The following AACS variants were observed in gnomAD, a reference collection of about 807,000 sequenced individuals.
The protein encoded by AACS is acetoacetyl-CoA synthetase, also known as acetoacetate-CoA ligase.
AACS carries 69 observed loss-of-function variants against 83.1 expected under a neutral mutation model. That is an observed-to-expected ratio of 0.83 (90% CI 0.68 to 1.01). The LOEUF (loss-of-function observed/expected upper bound fraction) is 1.01. Among genes scored for constraint, AACS ranks in the 50% least tolerant of loss-of-function variants. The pLI, the probability that AACS is intolerant of heterozygous loss-of-function variation, is 0.00. For missense variants in AACS, 866 were observed against 882.2 expected, an observed-to-expected ratio of 0.98 and a Z score of 0.23; for synonymous variants, 333 against 343.4, an observed-to-expected ratio of 0.97 and a Z score of 0.33.
chr12:125,142,082 TC>T lies in AACS; in HGVS notation c.1882-7del. The T allele has an allele frequency of 6.2e-7, 1 of 1,613,866 alleles. No individual in the cohort carries two copies. The highest frequency in any genetic ancestry group is 8.5e-7 in the Non-Finnish European group (1 of 1,179,960). On this transcript the variant is annotated splice_polypyrimidine_tract_variant and intron_variant, in intron 17 of 17. Transcript: ENST00000316519. ...TTAAATGTTCCTGTTTTTCTACCTT[TC>T]CCTCGCAGTATACGCTCAACGGCAA...
chr12:125,137,280 TCTC>T (rs955049219), intron 17 of AACS, among the ~76,000 whole-genome samples: 1 of 152,220 alleles, frequency 6.6e-6, no homozygotes, highest in African/African-American at 2.4e-5. Flanking sequence ...TTCAAGCAGT[TCTC>T]CTGCCTCAGC....
intron 5 of AACS, 119 bp downstream of exon 5, chr12:125,091,642 T>TGGC (rs1956489130): frequency 9.8e-7 from 1 of 1,016,514 alleles, no homozygotes; most frequent in Admixed American, 2.0e-5. Flanking sequence ...CGGGAGGAGG[T>TGGC]GGCGTTGCAG....
Position 125,120,142 on chromosome 12 carries a change from TC to T in AACS, c.1121+1384del, listed in dbSNP as rs150658867. 1,195 of 151,838 alleles carry T rather than the reference TC, an allele frequency of 7.9e-3. 8 individuals carry two copies. Among genetic ancestry groups the T allele is most frequent in the South Asian group, 0.024 (117 of 4,790 alleles). 9.4% of individuals were successfully genotyped at this position (151,838 alleles called of 1,614,324 possible). On this transcript the variant is annotated intron_variant, in intron 10 of 17. Transcript: ENST00000316519. Reference sequence around the variant, plus strand: ...TGGGGATAGGTGTAGTGGTCCCTGCTCCCCCCCGACCCCAACTCCTTCTCAT... The same window carrying T: ...TGGGGATAGGTGTAGTGGTCCCTGCTCCCCCCGACCCCAACTCCTTCTCAT...
chr12:125,119,017 C>T (rs776313681), intron 10 of AACS, among the ~76,000 whole-genome samples: 2 of 152,216 alleles, frequency 1.3e-5, no homozygotes, highest in South Asian at 2.1e-4. Context: ...AAAAATCCTA[C>T]GGGCAGTGTG....
In AACS at chr12:125,079,999, C is replaced by G. The variant is rs117572889; in HGVS notation, c.358+3388C>G. Among the ~76,000 whole-genome samples, 19 of 152,260 alleles carry G rather than the reference C, an allele frequency of 1.2e-4. No homozygotes were observed. In the East Asian group the frequency reaches 3.5e-3, roughly 28 times the overall value. On this transcript the variant is annotated intron_variant, in intron 3 of 17. Coordinates refer to ENST00000316519, the MANE Select transcript of AACS (RefSeq NM_023928.5). Reference sequence around the variant, plus strand: ...CTGCTTTCGCTCAGCACAGTGTTACCAAGGTTCATCCACATTGTAGCATGG... The same window carrying G: ...CTGCTTTCGCTCAGCACAGTGTTACGAAGGTTCATCCACATTGTAGCATGG...
In AACS at chr12:125,127,916, C is replaced by G. The variant is rs556841513; in HGVS notation, c.1310-245C>G. ...TGACCACAGGAGGTCATTTACTTAG[C>G]GGATCCTCTGGCAGGAAGGCTCGGC... On this transcript the variant is annotated intron_variant, in intron 12 of 17. Coordinates refer to ENST00000316519, the MANE Select transcript of AACS (RefSeq NM_023928.5). 3 of 349,180 alleles carry G rather than the reference C, an allele frequency of 8.6e-6. No homozygotes were observed. The South Asian group carries it at 2.1e-4, about 24-fold the overall frequency. 21.6% of individuals were successfully genotyped at this position (349,180 alleles called of 1,614,324 possible).
intron 9 of AACS, among the ~76,000 whole-genome samples, chr12:125,116,837 C>G (rs1352539922): frequency 6.6e-6 from 1 of 151,784 alleles, no homozygotes; most frequent in Non-Finnish European, 1.5e-5. Context: ...CCAGGCTATA[C>G]TGTGACCCAC....
chr12:125,082,018 G>T (rs1956200729), intron 3 of AACS, among the ~76,000 whole-genome samples: 1 of 151,906 alleles, frequency 6.6e-6, no homozygotes, highest in Non-Finnish European at 1.5e-5. Flanking sequence ...TGGGATTACA[G>T]GCACGTGCCA....
chr12:125,077,825 C>T (rs1956065643), intron 3 of AACS, among the ~76,000 whole-genome samples: 2 of 152,022 alleles, frequency 1.3e-5, no homozygotes, highest in African/African-American at 2.4e-5. Flanking sequence ...TCTCCTGCCT[C>T]AGCCTCCCAA....
chr12:125,098,168 A>C (rs1348637532), intron 5 of AACS, among the ~76,000 whole-genome samples: 2 of 151,878 alleles, frequency 1.3e-5, no homozygotes, highest in Non-Finnish European at 2.9e-5. Flanking sequence ...GGTAGCTTAC[A>C]CCTGTAATCC....
chr12:125,097,380 G>C lies in AACS; in HGVS notation c.571-5299G>C, dbSNP rs1436008418. On this transcript the variant is annotated intron_variant, in intron 5 of 17. Coordinates refer to ENST00000316519, the MANE Select transcript of AACS (RefSeq NM_023928.5). This position sits in a 1 kb window ranked among gnomAD's most constrained non-coding sequence, Gnocchi z 4.3. ...GCCAGGGGCCAAGTCCCTGTTACCT[G>C]TATGTCCCATGCACTTTTTTAAACT... is the stretch of plus-strand genomic sequence containing the variant. Among the ~76,000 whole-genome samples, 1 of 150,850 alleles carries C rather than the reference G, an allele frequency of 6.6e-6. No homozygotes were observed. The highest frequency in any genetic ancestry group is 1.5e-5 in the Non-Finnish European group (1 of 67,876).
chr12:125,077,074 A>ATTT (rs36067220), intron 3 of AACS, among the ~76,000 whole-genome samples: 3 of 121,262 alleles, frequency 2.5e-5, no homozygotes, highest in Non-Finnish European at 3.4e-5. Flanking sequence ...TGCATGGCTG[A>ATTT]TTTTTTTTTT....
At chr12:125,101,915 T>C in intron 5 of AACS, 1 of 151,544 alleles carries the variant, frequency 6.6e-6, no homozygotes, top group Non-Finnish European at 1.5e-5. Context: ...TACAGGCACG[T>C]GCCACCATGC....
intron 8 of AACS, among the ~76,000 whole-genome samples, chr12:125,108,789 T>C (rs1360355542): frequency 6.6e-6 from 1 of 151,792 alleles, no homozygotes; most frequent in Non-Finnish European, 1.5e-5. Context: ...CCTCTCAGTC[T>C]CCCATGTAGC....
chr12:125,132,560 T>C (rs1464163591), intron 14 of AACS, among the ~76,000 whole-genome samples: 2 of 152,070 alleles, frequency 1.3e-5, no homozygotes, highest in Non-Finnish European at 2.9e-5. Flanking sequence ...GGCACATCCA[T>C]TGCAAGCCTA....
At chr12:125,123,993 T>A (rs1957200737) in intron 10 of AACS, 1 of 152,212 alleles carries the variant, frequency 6.6e-6, no homozygotes, top group African/African-American at 2.4e-5. Context: ...AATGTGATCT[T>A]GTTTAAGAAA....
chr12:125,119,645 G>A (rs993008765), intron 10 of AACS, among the ~76,000 whole-genome samples: 21 of 152,146 alleles, frequency 1.4e-4, no homozygotes, highest in African/African-American at 4.3e-4. Flanking sequence ...AGAACAACTC[G>A]GGAAAAACCT....
Position 125,073,912 on chromosome 12 carries a change from C to A in AACS, c.170C>A (p.Ser57Ter). 6.2e-7 allele frequency: 1 copy of A among 1,614,078 alleles called. No individual in the cohort carries two copies. The highest frequency in any genetic ancestry group is 1.1e-5 in the South Asian group (1 of 91,066). ...GACTTGTACCATTGGTCCGTTGAGTCATATTCAGACTTCTGGGCAGAGTTC... is the reference window on the plus strand; with the variant it reads ...GACTTGTACCATTGGTCCGTTGAGTAATATTCAGACTTCTGGGCAGAGTTC... The part of the protein sequence containing the change: ...YDDLYHWSVE[S>*]YSDFWAEFWK... Residue 57 changes from serine to a stop codon, truncating the protein, a stop_gained, in exon 2 of 18, where the codon TCA (serine) becomes TAA (stop). Transcript: ENST00000316519. LOFTEE classifies it high-confidence loss of function.
At chr12:125,108,234 G>A (rs78582995) in intron 8 of AACS, among the ~76,000 whole-genome samples, 4,051 of 152,292 alleles carry the variant, frequency 0.027, 100 homozygotes, top group Admixed American at 0.046. Context: ...CTGCCATAAC[G>A]AAACACCACA....
Sources: allele counts gnomAD v4.1 joint callset (sites outside exome capture counted in the v4.1 genomes callset), GRCh38; gene constraint gnomAD v4.1.1; non-coding constraint Gnocchi (gnomAD v3.1); transcripts MANE v1.5; gene names NCBI Gene and HGNC (gene_info 2026-07-23, HGNC 2026-07-21).